Variants in IBTK observed in about 807,000 individuals in gnomAD.
The protein encoded by IBTK is BTK-binding protein.
Under a neutral mutation model 154.9 loss-of-function variants are expected in IBTK, and 83 were observed. The ratio of observed to expected loss-of-function variants is 0.54; its 90% CI spans 0.45 to 0.64. The LOEUF is 0.64. Among genes scored for constraint, IBTK ranks in the 30% least tolerant of loss-of-function variants. The pLI is 0.00. For synonymous variants in IBTK, 515 were observed against 536.1 expected (o/e 0.96, Z 0.54); for missense variants, 1,332 against 1,584.6 (o/e 0.84, Z 2.71).
intron 4 of IBTK, 73 bp from the exon 5 acceptor site, chr6:82,227,375 AAT>A: frequency 1.2e-6 from 1 of 846,950 alleles, no homozygotes; most frequent in Non-Finnish European, 1.8e-6. Context: ...AAAGAAATAG[AAT>A]ATTGTTAATT....
At chr6:82,201,582 CAA>C (rs1769213641) in intron 18 of IBTK, 100 bp from the exon 19 acceptor site, 1 of 757,182 alleles carries the variant, frequency 1.3e-6, no homozygotes, top group Non-Finnish European at 2.1e-6. Context: ...AGATAAGTAA[CAA>C]AGTTATTTTT....
chr6:82,231,411 A>C (rs901673466), intron 4 of IBTK, among the ~76,000 whole-genome samples: 2 of 152,158 alleles, frequency 1.3e-5, no homozygotes, highest in African/African-American at 4.8e-5. Flanking sequence ...ATGTTTGTTA[A>C]ATAGAAAAGC....
At chr6:82,174,122 T>A (rs566364724) in intron 26 of IBTK, among the ~76,000 whole-genome samples, 52 of 152,300 alleles carry the variant, frequency 3.4e-4, no homozygotes, top group Non-Finnish European at 5.7e-4. Context: ...ATTGCTCCAA[T>A]GCTCTCTTTC....
At chr6:82,224,234 G>A (rs1770211945) in intron 6 of IBTK, 49 bp from the exon 7 acceptor site, 1 of 1,317,402 alleles carries the variant, frequency 7.6e-7, no homozygotes, top group Non-Finnish European at 1.1e-6. Flanking sequence ...TTATGACCTA[G>A]TACAATTTTT....
Position 82,180,404 on chromosome 6 carries a change from C to T in IBTK, c.3725+1475G>A, listed in dbSNP as rs142912289. 8.5e-4 allele frequency among the ~76,000 whole-genome samples: 129 copies of T among 151,984 alleles called. 1 individual carries two copies. Among genetic ancestry groups the T allele is most frequent in the South Asian group, 2.3e-3 (11 of 4,814 alleles). ...GGACTACGTGCACATGCCACCAAGC[C>T]GAGCTAATTTATTTTTCTTGCTATT... On this transcript the variant is annotated intron_variant, in intron 26 of 28. Coordinates refer to ENST00000306270, the MANE Select transcript of IBTK (RefSeq NM_015525.4).
chr6:82,197,326 T>C (rs1373503299), intron 21 of IBTK, among the ~76,000 whole-genome samples: 1 of 151,976 alleles, frequency 6.6e-6, no homozygotes, highest in Non-Finnish European at 1.5e-5. Context: ...ATCACTACAA[T>C]TTGGAAAGAA....
At chr6:82,174,562 T>C (rs1428865413) in intron 26 of IBTK, among the ~76,000 whole-genome samples, 2 of 152,124 alleles carry the variant, frequency 1.3e-5, no homozygotes, top group Non-Finnish European at 2.9e-5. Flanking sequence ...AAAGAATGCC[T>C]GAATTCAGGG....
Position 82,196,367 on chromosome 6 carries a change from T to G in IBTK, c.3105A>C (p.Ala1035=), listed in dbSNP as rs1329877908. 1.9e-6 allele frequency: 3 copies of G among 1,613,044 alleles called. No homozygotes were observed. In the East Asian group the frequency reaches 6.7e-5, roughly 36 times the overall value. The change falls in exon 22 of 29, where the codon GCA becomes GCC. Residue 1035 remains alanine (A), a synonymous_variant. Coordinates refer to ENST00000306270, the MANE Select transcript of IBTK (RefSeq NM_015525.4). ...LLTSDSEGSY[A]GVGSPRDLQS... Reference sequence around the variant, plus strand: ...GTAAATCTCTAGGACTACCCACTCCTGCATAGCTTCCTTCAGAGTCTGATG... The same window carrying G: ...GTAAATCTCTAGGACTACCCACTCCGGCATAGCTTCCTTCAGAGTCTGATG...
chr6:82,240,883 T>G, intron 1 of IBTK, 40 bp from the exon 2 acceptor site: 1 of 405,656 alleles, frequency 2.5e-6, no homozygotes, highest in East Asian at 3.5e-5. Context: ...ATTCAAAATC[T>G]GTCTCTCGCT....
rs969389523 is a variant in IBTK, at chr6:82,191,236, G to C, written c.3432-20C>G. 1 of 1,580,632 alleles carries C rather than the reference G, an allele frequency of 6.3e-7. No homozygotes were observed. On this transcript the variant is annotated intron_variant, in intron 24 of 28. Coordinates refer to ENST00000306270, the MANE Select transcript of IBTK (RefSeq NM_015525.4). Reference sequence around the variant, plus strand: ...GTTTTGCTAGAAATTAAACCAATTAGTTTCAGTGGTTTCTTCTGACAAAGT... The same window carrying C: ...GTTTTGCTAGAAATTAAACCAATTACTTTCAGTGGTTTCTTCTGACAAAGT...
intron 5 of IBTK, 31 bp from the exon 6 acceptor site, chr6:82,225,678 C>T (rs761780014): frequency 2.0e-6 from 3 of 1,506,920 alleles, no homozygotes; most frequent in South Asian, 1.2e-5. Flanking sequence ...TAGTATACTA[C>T]ATTAACCATT....
At chr6:82,219,995 A>T (rs1278215271) in intron 9 of IBTK, among the ~76,000 whole-genome samples, 1 of 152,058 alleles carries the variant, frequency 6.6e-6, no homozygotes, top group African/African-American at 2.4e-5. Context: ...AGATCACTTG[A>T]GGCCAGGAGT....
chr6:82,230,012 T>C (rs566621696), intron 4 of IBTK, among the ~76,000 whole-genome samples: 2 of 152,322 alleles, frequency 1.3e-5, no homozygotes, highest in East Asian at 1.9e-4. Context: ...GGTCATATTA[T>C]TTATCATGCA....
intron 1 of IBTK, among the ~76,000 whole-genome samples, chr6:82,246,834 T>C (rs1485047763): frequency 6.6e-6 from 1 of 152,228 alleles, no homozygotes; most frequent in Non-Finnish European, 1.5e-5. Context: ...ATAAAAGTCA[T>C]ATCCTTTCAG....
At position 82,212,716 on chromosome 6, in the gene IBTK, T is replaced by C. The variant is rs753150859; in HGVS notation, c.2282A>G (p.Gln761Arg). Residue 761 changes from glutamine to arginine, a missense_variant, in exon 13 of 29, where the codon CAG (glutamine) becomes CGG (arginine). By Grantham distance (43) the Gln-to-Arg change is conservative. Transcript: ENST00000306270. Reference protein sequence around the residue: ...KNTGNKLKLSQKKCSFLCDVT... With the variant: ...KNTGNKLKLSRKKCSFLCDVT... ...TCCTTTCCTTACTTACCATTTTTTC[T>C]GACTTAGCTTCAGTTTATTACCAGT... 8 of 1,585,842 alleles carry C rather than the reference T, an allele frequency of 5.0e-6. No individual in the cohort carries two copies. The South Asian group carries it at 8.9e-5, about 18-fold the overall frequency.
At chr6:82,236,219 C>T (rs79341721) in intron 2 of IBTK, among the ~76,000 whole-genome samples, 6 of 152,078 alleles carry the variant, frequency 3.9e-5, no homozygotes, top group African/African-American at 1.4e-4. Flanking sequence ...GGTCTATCTC[C>T]CCCTAGTAGA....
chr6:82,208,642 C>G (rs1769505941), intron 16 of IBTK, among the ~76,000 whole-genome samples: 1 of 151,992 alleles, frequency 6.6e-6, no homozygotes, highest in African/African-American at 2.4e-5. Context: ...ACTTGGGAGG[C>G]TGAGGTGGGA....
intron 25 of IBTK, among the ~76,000 whole-genome samples, chr6:82,186,042 G>A (rs967883988): frequency 3.3e-5 from 5 of 151,894 alleles, no homozygotes; most frequent in East Asian, 1.9e-4. Flanking sequence ...TATCTGTTAC[G>A]GTGATCTTGA....
chr6:82,196,303 T>C lies in IBTK; in HGVS notation c.3169A>G (p.Ile1057Val). ...TAGTGCTTCAAAAAACAAACCTCAA[T>C]CTTATCTGAATGAAATCCTGTTGTG... ...DFTTGFHSDK[I>V]EAKVKPYVNG... The change falls in exon 22 of 29, where the codon ATT (isoleucine) becomes GTT (valine). Residue 1057 changes from isoleucine to valine, a missense_variant. Coordinates refer to ENST00000306270, the MANE Select transcript of IBTK (RefSeq NM_015525.4). 1.2e-6 allele frequency: 2 copies of C among 1,603,192 alleles called. No individual in the cohort carries two copies. The highest frequency in any genetic ancestry group is 2.3e-5 in the South Asian group (2 of 87,712).
Sources: allele counts gnomAD v4.1 joint callset (sites outside exome capture counted in the v4.1 genomes callset), GRCh38; gene constraint gnomAD v4.1.1; transcripts MANE v1.5; gene names NCBI Gene and HGNC (gene_info 2026-07-23, HGNC 2026-07-21).